Variants in SPAG16 observed in about 807,000 individuals in gnomAD.
SPAG16 encodes sperm-associated antigen 16 protein.
Under a neutral mutation model 80.4 loss-of-function variants are expected in SPAG16, and 86 were observed. The observed-to-expected ratio is 1.07, with a 90% CI of 0.90 to 1.28. SPAG16 has a LOEUF of 1.28. Among genes scored for constraint, SPAG16 ranks in the 50% most tolerant of loss-of-function variants. SPAG16 has a pLI of 0.00. For synonymous variants in SPAG16, 294 were observed against 265.9 expected, an observed-to-expected ratio of 1.11 and a Z score of -1.03; for missense variants, 870 against 765.3, an observed-to-expected ratio of 1.14 and a Z score of -1.61.
At chr2:213,889,308 A>G (rs1224270169) in intron 11 of SPAG16, among the ~76,000 whole-genome samples, 1 of 151,862 alleles carries the variant, frequency 6.6e-6, no homozygotes, top group Non-Finnish European at 1.5e-5. Context: ...TTTGATGTAA[A>G]AATGTTCTCA....
chr2:214,098,169 G>A lies in SPAG16; in HGVS notation c.1528-10027G>A, dbSNP rs548167960. On this transcript the variant is annotated intron_variant, in intron 13 of 15. Coordinates refer to ENST00000331683, the MANE Select transcript of SPAG16 (RefSeq NM_024532.5). The stretch of plus-strand genomic sequence containing the variant: ...CCCAAAATATATTCATGCAATATAG[G>A]TACAATACAATAAATAGTATAAAAT... Among the ~76,000 whole-genome samples the A allele has an allele frequency of 2.0e-5, 3 of 152,054 alleles. No individual in the cohort carries two copies. In the East Asian group the frequency reaches 5.8e-4, roughly 29 times the overall value.
chr2:214,062,465 G>T lies in SPAG16; in HGVS notation c.1528-45731G>T, dbSNP rs559735256. Among the ~76,000 whole-genome samples, 14 of 145,824 alleles carry T rather than the reference G, an allele frequency of 9.6e-5. No individual in the cohort carries two copies. In the East Asian group the frequency reaches 2.8e-3, roughly 29 times the overall value. On this transcript the variant is annotated intron_variant, in intron 13 of 15. Transcript: ENST00000331683. The stretch of plus-strand genomic sequence containing the variant: ...AAAAAGAAACCAAAACCAACCGCCT[G>T]ACCTCACTACAACATTACCACATCC...
At chr2:214,086,521 G>A (rs1024352650) in intron 13 of SPAG16, among the ~76,000 whole-genome samples, 2 of 152,070 alleles carry the variant, frequency 1.3e-5, no homozygotes, top group Admixed American at 6.6e-5. Context: ...TAGTGAGTGA[G>A]TTCTCATGAG....
chr2:213,364,311 A>G (rs981143377), intron 8 of SPAG16, 166 bp downstream of exon 8: 4 of 348,394 alleles, frequency 1.1e-5, no homozygotes, highest in Non-Finnish European at 2.1e-5. Context: ...ATCATACTGT[A>G]TGGATTAATT....
intron 15 of SPAG16, among the ~76,000 whole-genome samples, chr2:214,233,941 T>C (rs1214927366): frequency 6.6e-6 from 1 of 152,106 alleles, no homozygotes; most frequent in Non-Finnish European, 1.5e-5. Context: ...GTTTGTTACA[T>C]AGGTAAACAT....
intron 15 of SPAG16, among the ~76,000 whole-genome samples, chr2:214,272,450 C>T (rs1692105098): frequency 6.6e-6 from 1 of 152,102 alleles, no homozygotes; most frequent in Non-Finnish European, 1.5e-5. Flanking sequence ...CCCCCTGCCC[C>T]CCAACCCACA....
intron 5 of SPAG16, among the ~76,000 whole-genome samples, chr2:213,326,904 T>C (rs948729923): frequency 1.3e-5 from 2 of 152,034 alleles, no homozygotes; most frequent in Non-Finnish European, 2.9e-5. Flanking sequence ...TTAAATAATA[T>C]TCATATCATA....
intron 10 of SPAG16, among the ~76,000 whole-genome samples, chr2:213,684,517 C>A (rs2064564041): frequency 6.6e-6 from 1 of 152,092 alleles, no homozygotes; most frequent in African/African-American, 2.4e-5. Flanking sequence ...AAAAGTTAAT[C>A]CTATTTAAAA....
chr2:213,944,899 G>C (rs565533728), intron 12 of SPAG16, among the ~76,000 whole-genome samples: 1 of 152,020 alleles, frequency 6.6e-6, no homozygotes. Flanking sequence ...TTAGCCGGGC[G>C]TGGGGGCGTG....
At chr2:213,698,607 A>G (rs1250876682) in intron 10 of SPAG16, among the ~76,000 whole-genome samples, 2 of 152,080 alleles carry the variant, frequency 1.3e-5, no homozygotes, top group African/African-American at 4.8e-5. Flanking sequence ...CATTCTACAT[A>G]TTCTTTTACA....
chr2:214,276,393 T>C lies in SPAG16; in HGVS notation c.1720+127127T>C, dbSNP rs138619580. On this transcript the variant is annotated intron_variant, in intron 15 of 15. Coordinates refer to ENST00000331683, the MANE Select transcript of SPAG16 (RefSeq NM_024532.5). Reference sequence around the variant, plus strand: ...TGATGTAGTTTCTTGCTAGCATTGGTGGTCTTTACAATTTGGCATGTTTTT... The same window carrying C: ...TGATGTAGTTTCTTGCTAGCATTGGCGGTCTTTACAATTTGGCATGTTTTT... Among the ~76,000 whole-genome samples, 1,360 of 152,328 alleles carry C rather than the reference T, an allele frequency of 8.9e-3. 27 individuals carry two copies. The highest frequency in any genetic ancestry group is 0.031 in the African/African-American group (1,295 of 41,562).
chr2:213,341,968 C>T (rs1051057736), intron 6 of SPAG16, among the ~76,000 whole-genome samples: 9 of 152,184 alleles, frequency 5.9e-5, no homozygotes, highest in Middle Eastern at 3.4e-3. Flanking sequence ...AATAGACACA[C>T]CCTTTAAAAT....
At chr2:213,392,982 A>G (rs2067841823) in intron 9 of SPAG16, among the ~76,000 whole-genome samples, 1 of 152,212 alleles carries the variant, frequency 6.6e-6, no homozygotes, top group Non-Finnish European at 1.5e-5. Context: ...AAGCCAACAT[A>G]TTTATAATTC....
chr2:214,259,778 C>A (rs977083396), intron 15 of SPAG16, among the ~76,000 whole-genome samples: 1 of 152,058 alleles, frequency 6.6e-6, no homozygotes, highest in Non-Finnish European at 1.5e-5. Context: ...ATACCAAAAG[C>A]ACAATTCCCA....
intron 15 of SPAG16, among the ~76,000 whole-genome samples, chr2:214,332,253 C>CA (rs1218423059): frequency 2.6e-5 from 4 of 152,148 alleles, no homozygotes; most frequent in African/African-American, 4.8e-5. Flanking sequence ...CTCTGCCTCA[C>CA]AAAAAAACAA....
intron 8 of SPAG16, among the ~76,000 whole-genome samples, chr2:213,369,865 T>G (rs749362354): frequency 2.0e-5 from 3 of 152,138 alleles, no homozygotes; most frequent in Admixed American, 6.6e-5. Context: ...CCTACCAGAT[T>G]GATACAGTTG....
In SPAG16 at chr2:213,876,312, AAAAAAAAAG is replaced by A. The variant is rs1014074578; in HGVS notation, c.1214+13687_1214+13695del. 8.6e-5 allele frequency among the ~76,000 whole-genome samples: 10 copies of A among 116,460 alleles called. 1 individual carries two copies. In the South Asian group the frequency reaches 3.7e-3, roughly 43 times the overall value. 76.4% of individuals were successfully genotyped at this position (116,460 alleles called of 152,430 possible). On this transcript the variant is annotated intron_variant, in intron 11 of 15. Coordinates refer to ENST00000331683, the MANE Select transcript of SPAG16 (RefSeq NM_024532.5). ...TAGTATTAACTTTGAACCAAAAAAA[AAAAAAAAAG>A]AAGAAGAAAAGAAAAGAAAAAGAAT...
chr2:213,843,952 TA>T (rs76086576), intron 10 of SPAG16, among the ~76,000 whole-genome samples: 52,719 of 151,702 alleles, frequency 0.35, 9,667 homozygotes, highest in South Asian at 0.47. Flanking sequence ...ATAAAACTTA[TA>T]AAAATTTTAA....
intron 15 of SPAG16, among the ~76,000 whole-genome samples, chr2:214,320,496 TA>T (rs766594220): frequency 6.6e-6 from 1 of 152,226 alleles, no homozygotes; most frequent in Non-Finnish European, 1.5e-5. Flanking sequence ...TTCATACTGC[TA>T]TAAAGAACTG....
Sources: allele counts gnomAD v4.1 joint callset (sites outside exome capture counted in the v4.1 genomes callset), GRCh38; gene constraint gnomAD v4.1.1; transcripts MANE v1.5; gene names NCBI Gene and HGNC (gene_info 2026-07-23, HGNC 2026-07-21).